The following DPP10 variants were observed in gnomAD, a reference collection of about 807,000 sequenced individuals.
The protein encoded by DPP10 is dipeptidyl peptidase like 10.
In DPP10, 33 loss-of-function variants were observed where a neutral mutation model predicts 120.9. That is an observed-to-expected ratio of 0.27 (90% CI 0.21 to 0.37). DPP10 has a LOEUF of 0.37. Ranked by LOEUF, DPP10 falls within the 10% of genes least tolerant of loss-of-function variation. The pLI is 1.00. For missense variants in DPP10, 816 were observed against 942.8 expected (o/e 0.87, Z 1.76); for synonymous variants, 337 against 326.1 (o/e 1.03, Z -0.36).
chr2:115,619,605 C>T (rs1019564692), intron 5 of DPP10, among the ~76,000 whole-genome samples: 3 of 152,134 alleles, frequency 2.0e-5, no homozygotes, highest in Non-Finnish European at 4.4e-5. Flanking sequence ...GTGTAACCCT[C>T]TGGAATTCTA....
chr2:114,596,785 T>C (rs1424049067), intron 1 of DPP10, among the ~76,000 whole-genome samples: 1 of 152,074 alleles, frequency 6.6e-6, no homozygotes, highest in Non-Finnish European at 1.5e-5. Context: ...TAAGTCATGA[T>C]TTGGTACAAA....
At chr2:114,455,969 C>G (rs1678564157) in intron 1 of DPP10, among the ~76,000 whole-genome samples, 1 of 152,158 alleles carries the variant, frequency 6.6e-6, no homozygotes, top group Non-Finnish European at 1.5e-5. Flanking sequence ...CCCGTTGCAT[C>G]ACACCACATG....
rs1370658830 is a variant in DPP10, at chr2:115,143,850, T to A, written c.61-165389T>A. On this transcript the variant is annotated intron_variant, in intron 1 of 25. Coordinates refer to ENST00000410059, the MANE Select transcript of DPP10 (RefSeq NM_020868.6). Reference sequence around the variant, plus strand: ...CCAGTACCAGCAGAAGACAGAGCAATCTCAGATGCAGCCTCTGCCAATCTC... The same window carrying A: ...CCAGTACCAGCAGAAGACAGAGCAAACTCAGATGCAGCCTCTGCCAATCTC... 2.0e-5 allele frequency among the ~76,000 whole-genome samples: 3 copies of A among 152,184 alleles called. 1 individual carries two copies. Among genetic ancestry groups the A allele is most frequent in the Middle Eastern group, 6.3e-3 (2 of 316 alleles).
intron 1 of DPP10, among the ~76,000 whole-genome samples, chr2:115,262,809 T>C (rs1198667046): frequency 6.6e-6 from 1 of 152,200 alleles, no homozygotes; most frequent in East Asian, 1.9e-4. Context: ...TCATGAATTA[T>C]TTCTTCCCAA....
At chr2:114,967,439 C>T (rs1157922784) in intron 1 of DPP10, among the ~76,000 whole-genome samples, 3 of 152,160 alleles carry the variant, frequency 2.0e-5, no homozygotes, top group Admixed American at 1.3e-4. Context: ...TCTGGATTCT[C>T]AGTGAAATTT....
chr2:115,430,143 C>T (rs1402396184), intron 3 of DPP10, among the ~76,000 whole-genome samples: 6 of 151,942 alleles, frequency 3.9e-5, no homozygotes, highest in South Asian at 4.1e-4. Flanking sequence ...GATTTGGAAC[C>T]GATTTAAGAT....
intron 1 of DPP10, among the ~76,000 whole-genome samples, chr2:114,539,652 T>C (rs1686798377): frequency 6.6e-6 from 1 of 152,216 alleles, no homozygotes; most frequent in Non-Finnish European, 1.5e-5. Flanking sequence ...TCCATGCACG[T>C]AGAGAGCATG....
chr2:114,806,250 C>T (rs1035269907), intron 1 of DPP10, among the ~76,000 whole-genome samples: 1 of 152,186 alleles, frequency 6.6e-6, no homozygotes, highest in Non-Finnish European at 1.5e-5. Context: ...AGCTATTTTA[C>T]AGGCTGATTT....
chr2:115,648,511 A>G (rs1268347684), intron 5 of DPP10, among the ~76,000 whole-genome samples: 1 of 151,832 alleles, frequency 6.6e-6, no homozygotes, highest in African/African-American at 2.4e-5. Context: ...TCAAATAATC[A>G]TCTCTTACCC....
intron 1 of DPP10, among the ~76,000 whole-genome samples, chr2:114,910,933 G>A (rs1009104905): frequency 6.6e-6 from 1 of 151,934 alleles, no homozygotes; most frequent in Non-Finnish European, 1.5e-5. Flanking sequence ...GAAGTATATG[G>A]CTTATTCTTG....
intron 3 of DPP10, among the ~76,000 whole-genome samples, chr2:115,417,679 G>A (rs1366470418): frequency 6.6e-6 from 1 of 152,156 alleles, no homozygotes; most frequent in Non-Finnish European, 1.5e-5. Context: ...GATCAATCTA[G>A]ATAGCCTGGT....
At chr2:114,800,063 T>G (rs1684064533) in intron 1 of DPP10, among the ~76,000 whole-genome samples, 1 of 152,208 alleles carries the variant, frequency 6.6e-6, no homozygotes, top group African/African-American at 2.4e-5. Flanking sequence ...GTAGGTACTT[T>G]AGTTGTTTAT....
intron 1 of DPP10, among the ~76,000 whole-genome samples, chr2:114,621,945 G>A (rs1380954523): frequency 1.3e-5 from 2 of 151,664 alleles, no homozygotes; most frequent in African/African-American, 4.8e-5. Context: ...GCTGTGGCAG[G>A]GCACAAAGAA....
chr2:115,536,692 G>A (rs2078867303), intron 5 of DPP10, among the ~76,000 whole-genome samples: 1 of 151,940 alleles, frequency 6.6e-6, no homozygotes, highest in Non-Finnish European at 1.5e-5. Flanking sequence ...TAAGGTAAAT[G>A]AACAAACATA....
At chr2:115,572,301 C>T (rs771595336) in intron 5 of DPP10, among the ~76,000 whole-genome samples, 3 of 151,738 alleles carry the variant, frequency 2.0e-5, no homozygotes, top group Non-Finnish European at 2.9e-5. Context: ...TCTAAACTTA[C>T]GTCTTTTTTT....
intron 3 of DPP10, among the ~76,000 whole-genome samples, chr2:115,436,859 A>T (rs2071545410): frequency 6.6e-6 from 1 of 151,896 alleles, no homozygotes; most frequent in Non-Finnish European, 1.5e-5. Context: ...TTTAAACTGA[A>T]CCATCTTTAA....
At chr2:114,849,077 A>C (rs1321303301) in intron 1 of DPP10, among the ~76,000 whole-genome samples, 4 of 152,182 alleles carry the variant, frequency 2.6e-5, no homozygotes, top group Non-Finnish European at 4.4e-5. Context: ...TAGTGGCTGC[A>C]TGATATTGGA....
At chr2:114,449,540 A>G (rs897877946) in intron 1 of DPP10, among the ~76,000 whole-genome samples, 2 of 151,944 alleles carry the variant, frequency 1.3e-5, no homozygotes, top group Admixed American at 6.6e-5. Flanking sequence ...ACTACCTGCA[A>G]ACGGATATAA....
At chr2:115,825,548 T>G (rs1002025779) in intron 21 of DPP10, among the ~76,000 whole-genome samples, 8 of 152,242 alleles carry the variant, frequency 5.3e-5, no homozygotes, top group Admixed American at 6.5e-5. Flanking sequence ...TAATCTTTCT[T>G]TAATTTGGAA....
Sources: allele counts gnomAD v4.1 joint callset (sites outside exome capture counted in the v4.1 genomes callset), GRCh38; gene constraint gnomAD v4.1.1; transcripts MANE v1.5; gene names NCBI Gene and HGNC (gene_info 2026-07-23, HGNC 2026-07-21).